The following TMEM245 variants were observed in gnomAD, a reference collection of about 807,000 sequenced individuals.
TMEM245 encodes protein CG-2.
A neutral mutation model predicts 101.2 loss-of-function variants in TMEM245; 69 were observed. The ratio of observed to expected loss-of-function variants is 0.68; its 90% CI spans 0.56 to 0.83. TMEM245 has a LOEUF of 0.83. Among genes scored for constraint, TMEM245 ranks in the 40% least tolerant of loss-of-function variants. The pLI is 0.00. For synonymous variants in TMEM245, 537 were observed against 449.8 expected (o/e 1.19, Z -2.45); for missense variants, 1,075 against 1,092.8 (o/e 0.98, Z 0.23).
In TMEM245 at chr9:109,087,338, C is replaced by A. The variant is rs2132550428; in HGVS notation, c.1155G>T (p.Trp385Cys). 6.3e-7 allele frequency: 1 copy of A among 1,585,974 alleles called. No individual in the cohort carries two copies. The highest frequency in any genetic ancestry group is 8.5e-7 in the Non-Finnish European group (1 of 1,171,132). The change falls in exon 6 of 18, where the codon TGG becomes TGT. Residue 385 changes from tryptophan to cysteine, a missense_variant. Trp to Cys is a radical substitution (Grantham distance 215). Transcript: ENST00000374586. Reference sequence around the variant, plus strand: ...AGTGAATGACAAGCTTTTTGAGTATCCAGACTAAAAAAAGACAAAAAATAC... The same window carrying A: ...AGTGAATGACAAGCTTTTTGAGTATACAGACTAAAAAAAGACAAAAAATAC... ...VQLLPVPIAV[W>C]ILKKLVIHFG... is the part of the protein sequence containing the mutation.
intron 10 of TMEM245, 84 bp downstream of exon 10, chr9:109,064,393 C>A (rs1429086116): frequency 2.5e-6 from 3 of 1,218,488 alleles, no homozygotes; most frequent in Middle Eastern, 2.0e-4. Context: ...AATAGCATTT[C>A]TACTTATGTT....
intron 5 of TMEM245, among the ~76,000 whole-genome samples, chr9:109,090,045 A>G (rs987091826): frequency 3.3e-5 from 5 of 151,544 alleles, no homozygotes; most frequent in Non-Finnish European, 7.4e-5. Context: ...CGGATGACTT[A>G]AGGTAAGGAT....
At chr9:109,070,208 A>C (rs978722949) in intron 9 of TMEM245, among the ~76,000 whole-genome samples, 1 of 152,226 alleles carries the variant, frequency 6.6e-6, no homozygotes, top group Admixed American at 6.5e-5. Context: ...TCCTGGACTT[A>C]CACAGCAACT....
chr9:109,065,296 T>C (rs1229450769), intron 9 of TMEM245, among the ~76,000 whole-genome samples: 4 of 152,138 alleles, frequency 2.6e-5, no homozygotes, highest in African/African-American at 7.2e-5. Flanking sequence ...GGAAACCTGT[T>C]AGAAATGAAA....
chr9:109,043,893 AT>A (rs577021773), intron 14 of TMEM245, among the ~76,000 whole-genome samples: 2 of 152,350 alleles, frequency 1.3e-5, no homozygotes, highest in South Asian at 4.1e-4. Context: ...TCTCTGTGGA[AT>A]AAAAGTTCCA....
At chr9:109,106,387 C>T (rs969996968) in intron 3 of TMEM245, 121 bp downstream of exon 3, 3 of 525,530 alleles carry the variant, frequency 5.7e-6, no homozygotes, top group Admixed American at 7.5e-5. Context: ...ATTTATTTTC[C>T]ACTCAGAAAC....
At chr9:109,114,821 T>C (rs1323903204) in intron 1 of TMEM245, among the ~76,000 whole-genome samples, 1 of 150,830 alleles carries the variant, frequency 6.6e-6, no homozygotes, top group African/African-American at 2.4e-5. Context: ...TGCCAAGAAC[T>C]GAGTAACATG....
At chr9:109,072,754 T>C (rs77567374) in intron 9 of TMEM245, among the ~76,000 whole-genome samples, 33,689 of 152,180 alleles carry the variant, frequency 0.22, 4,562 homozygotes, top group Admixed American at 0.3. Flanking sequence ...ACCTGTAGTC[T>C]CAGCTACTCC....
At chr9:109,064,229 G>C (rs1156286130) in intron 10 of TMEM245, among the ~76,000 whole-genome samples, 1 of 152,170 alleles carries the variant, frequency 6.6e-6, no homozygotes, top group Non-Finnish European at 1.5e-5. Context: ...TGATCATTCT[G>C]TCCTAACTCA....
At chr9:109,050,216 A>G in intron 14 of TMEM245, 67 bp downstream of exon 14, 1 of 1,584,204 alleles carries the variant, frequency 6.3e-7, no homozygotes. Flanking sequence ...TGCTCATGAC[A>G]AAAAACAGGC....
At chr9:109,103,142 T>C (rs1830322470) in intron 3 of TMEM245, among the ~76,000 whole-genome samples, 1 of 152,186 alleles carries the variant, frequency 6.6e-6, no homozygotes, top group Non-Finnish European at 1.5e-5. Flanking sequence ...ATTACAGGCA[T>C]GCAAATTAGA....
chr9:109,097,672 A>G (rs541026337), intron 3 of TMEM245, among the ~76,000 whole-genome samples: 1 of 152,344 alleles, frequency 6.6e-6, no homozygotes, highest in African/African-American at 2.4e-5. Flanking sequence ...TAATCCCAGC[A>G]CTTTGGGAGG....
At chr9:109,097,212 G>A (rs1351111833) in intron 3 of TMEM245, among the ~76,000 whole-genome samples, 1 of 152,226 alleles carries the variant, frequency 6.6e-6, no homozygotes. Flanking sequence ...AAGCTCCTGA[G>A]AGACTGGTGT....
At chr9:109,032,296 T>G (rs2132305821) in intron 17 of TMEM245, among the ~76,000 whole-genome samples, 1 of 149,976 alleles carries the variant, frequency 6.7e-6, no homozygotes, top group Non-Finnish European at 1.5e-5. Flanking sequence ...TCAGAAATAT[T>G]CCTCCCATCC....
intron 8 of TMEM245, among the ~76,000 whole-genome samples, chr9:109,074,404 A>C (rs1259425382): frequency 6.6e-6 from 1 of 152,166 alleles, no homozygotes; most frequent in East Asian, 1.9e-4. Context: ...CTCACTCCTA[A>C]ACTGACCCCA....
intron 3 of TMEM245, among the ~76,000 whole-genome samples, chr9:109,095,688 T>C (rs1830122024): frequency 6.6e-6 from 1 of 152,214 alleles, no homozygotes; most frequent in Admixed American, 6.5e-5. Context: ...GATAAAAGTA[T>C]ACTCATATGC....
chr9:109,077,985 C>T (rs1035030582), intron 8 of TMEM245, among the ~76,000 whole-genome samples: 6 of 152,102 alleles, frequency 3.9e-5, no homozygotes, highest in Non-Finnish European at 8.8e-5. Flanking sequence ...TCTATTGGTC[C>T]TCTGTTGTTC....
chr9:109,037,897 G>T, intron 15 of TMEM245, 120 bp downstream of exon 15: 3 of 676,748 alleles, frequency 4.4e-6, no homozygotes, highest in South Asian at 4.3e-5. Context: ...GACTAGATTC[G>T]ATCTCAAGCC....
chr9:109,018,178 G>C lies in TMEM245; in HGVS notation c.*2282C>G, dbSNP rs1827504035. 6.6e-6 allele frequency: 1 copy of C among 152,176 alleles called. No homozygotes were observed. Among genetic ancestry groups the C allele is most frequent in the Admixed American group, 6.5e-5 (1 of 15,276 alleles). The allele number at this position is 152,176 out of a possible 1,614,324, so 9.4% of individuals were successfully genotyped here. A position where few individuals can be genotyped will look rare whatever the true frequency, so the allele number is the denominator to read the frequency against. The stretch of plus-strand genomic sequence containing the variant: ...GCTAAAATCACTTTGTATATGTATA[G>C]TAACTCATTGTATATATTTGTCTCT... On this transcript the variant is annotated 3_prime_UTR_variant, in exon 18 of 18. Coordinates refer to ENST00000374586, the MANE Select transcript of TMEM245 (RefSeq NM_032012.4).
Sources: allele counts gnomAD v4.1 joint callset (sites outside exome capture counted in the v4.1 genomes callset), GRCh38; gene constraint gnomAD v4.1.1; transcripts MANE v1.5; gene names NCBI Gene and HGNC (gene_info 2026-07-23, HGNC 2026-07-21).